Variants in CERT1 observed in about 807,000 individuals in gnomAD.
CERT1 encodes the protein ceramide transporter 1.
In CERT1, 31 loss-of-function variants were observed where a neutral mutation model predicts 87.9. The ratio of observed to expected loss-of-function variants is 0.35; its 90% CI spans 0.27 to 0.48. CERT1 has a LOEUF of 0.48. CERT1 is among the 20% of genes least tolerant of loss of function. The pLI, the probability that CERT1 is intolerant of heterozygous loss-of-function variation, is 0.99. For synonymous variants in CERT1, 289 were observed against 250.9 expected, an observed-to-expected ratio of 1.15 and a Z score of -1.44; for missense variants, 487 against 758.0, an observed-to-expected ratio of 0.64 and a Z score of 4.20.
intron 3 of CERT1, among the ~76,000 whole-genome samples, chr5:75,428,363 G>GACTC (rs1484880223): frequency 1.3e-5 from 2 of 152,030 alleles, no homozygotes; most frequent in Non-Finnish European, 2.9e-5. Flanking sequence ...GAAAAGAGGA[G>GACTC]ACTCTGAACA....
chr5:75,457,816 G>A (rs13179922), intron 3 of CERT1, among the ~76,000 whole-genome samples: 2 of 151,094 alleles, frequency 1.3e-5, no homozygotes, highest in Non-Finnish European at 2.9e-5. Context: ...AACAGTGCCT[G>A]AGATTTCACA....
intron 2 of CERT1, among the ~76,000 whole-genome samples, chr5:75,482,697 T>A (rs1766309403): frequency 6.6e-6 from 1 of 152,156 alleles, no homozygotes; most frequent in South Asian, 2.1e-4. Context: ...AAACTCCATT[T>A]AGGGGAAAGG....
chr5:75,458,311 T>C (rs1291516619), intron 3 of CERT1, among the ~76,000 whole-genome samples: 1 of 152,136 alleles, frequency 6.6e-6, no homozygotes, highest in African/African-American at 2.4e-5. Context: ...TTAGATAGCC[T>C]CACATTTACA....
At chr5:75,446,738 G>A (rs970335545) in intron 3 of CERT1, among the ~76,000 whole-genome samples, 8 of 152,016 alleles carry the variant, frequency 5.3e-5, no homozygotes, top group Non-Finnish European at 1.0e-4. Context: ...GGTCTTCTTC[G>A]GATTTTTTCT....
At chr5:75,493,644 T>C (rs1053329373) in intron 2 of CERT1, among the ~76,000 whole-genome samples, 27 of 152,194 alleles carry the variant, frequency 1.8e-4, no homozygotes, top group African/African-American at 6.0e-4. Context: ...TTAACATGAG[T>C]CTTTTTAAAA....
At chr5:75,461,375 G>C (rs879289468) in intron 2 of CERT1, among the ~76,000 whole-genome samples, 5 of 152,204 alleles carry the variant, frequency 3.3e-5, no homozygotes, top group Admixed American at 2.6e-4. Flanking sequence ...TGAGGTGGAA[G>C]AGTTTCATCC....
chr5:75,460,653 T>C (rs1163521110), intron 2 of CERT1, among the ~76,000 whole-genome samples: 1 of 152,234 alleles, frequency 6.6e-6, no homozygotes, highest in Non-Finnish European at 1.5e-5. Context: ...GAATCCGCTC[T>C]GGGCAACACG....
At chr5:75,413,553 A>G (rs1298657400) in intron 7 of CERT1, among the ~76,000 whole-genome samples, 1 of 152,126 alleles carries the variant, frequency 6.6e-6, no homozygotes, top group Non-Finnish European at 1.5e-5. Context: ...AGGCTGTAGT[A>G]TACTAATGGC....
At chr5:75,372,349 C>T (rs575318157) in intron 17 of CERT1, 1 of 151,838 alleles carries the variant, frequency 6.6e-6, no homozygotes, top group South Asian at 2.1e-4. Context: ...AACCCCATAC[C>T]CCACAGCTGA....
intron 2 of CERT1, among the ~76,000 whole-genome samples, chr5:75,462,977 C>T (rs533173691): frequency 2.7e-5 from 3 of 111,636 alleles, no homozygotes; most frequent in African/African-American, 1.1e-4. Context: ...GGCGACAGAG[C>T]AAGACTCCGT....
chr5:75,491,986 A>G (rs1046892876), intron 2 of CERT1, among the ~76,000 whole-genome samples: 1 of 152,166 alleles, frequency 6.6e-6, no homozygotes, highest in Non-Finnish European at 1.5e-5. Flanking sequence ...TTTTCCTGAT[A>G]ATACATAAAA....
chr5:75,427,060 GT>G (rs569707179), intron 3 of CERT1, among the ~76,000 whole-genome samples: 1 of 151,940 alleles, frequency 6.6e-6, no homozygotes, highest in Non-Finnish European at 1.5e-5. Context: ...TTAAATTTTT[GT>G]AACCACCTCG....
chr5:75,445,390 G>C (rs1264275251), intron 3 of CERT1, among the ~76,000 whole-genome samples: 3 of 152,166 alleles, frequency 2.0e-5, no homozygotes, highest in Non-Finnish European at 4.4e-5. Context: ...TGCAGTGCAG[G>C]TCTAGTGGCA....
chr5:75,456,327 A>G (rs150210148), intron 3 of CERT1, among the ~76,000 whole-genome samples: 41 of 152,230 alleles, frequency 2.7e-4, no homozygotes, highest in African/African-American at 9.6e-4. Flanking sequence ...AATATTAACA[A>G]CAATTAACAA....
rs570900274 is a variant in CERT1 at position 75,459,665 on chromosome 5, T to A, written c.232-484A>T. Among the ~76,000 whole-genome samples the A allele has an allele frequency of 2.6e-5, 4 of 152,086 alleles. 1 individual carries two copies. Among genetic ancestry groups the A allele is most frequent in the African/African-American group, 4.8e-5 (2 of 41,492 alleles). On this transcript the variant is annotated intron_variant, in intron 2 of 16. Transcript: ENST00000643780. ...TGCCCTGCTAATTTTTAAAATTTTT[T>A]AAAAATGTAGGCTTGCTGGCTGGGC...
At chr5:75,386,326 A>G (rs1444235132) in intron 12 of CERT1, among the ~76,000 whole-genome samples, 2 of 151,986 alleles carry the variant, frequency 1.3e-5, no homozygotes, top group Non-Finnish European at 2.9e-5. Context: ...CCATTCTCAA[A>G]AGACTGTTTA....
At chr5:75,419,476 G>A (rs1170395443) in intron 5 of CERT1, 52 bp from the exon 6 acceptor site, 4 of 1,208,636 alleles carry the variant, frequency 3.3e-6, no homozygotes, top group East Asian at 2.5e-5. Context: ...AGAAATTAAT[G>A]TCTATTCTTA....
intron 2 of CERT1, among the ~76,000 whole-genome samples, chr5:75,486,191 G>A (rs1216402795): frequency 6.6e-6 from 1 of 152,106 alleles, no homozygotes; most frequent in African/African-American, 2.4e-5. Flanking sequence ...ATGCAAGGAT[G>A]GTTCAACATA....
At chr5:75,480,462 A>AG (rs1766182686) in intron 2 of CERT1, among the ~76,000 whole-genome samples, 1 of 152,196 alleles carries the variant, frequency 6.6e-6, no homozygotes, top group Non-Finnish European at 1.5e-5. Flanking sequence ...ACTAAACACA[A>AG]GGGGGAAAAA....
Sources: gnomAD v4.1 joint callset for allele counts (sites outside exome capture counted in the v4.1 genomes callset) on GRCh38, gnomAD v4.1.1 for gene constraint, MANE v1.5 for transcripts, NCBI Gene and HGNC (gene_info 2026-07-23, HGNC 2026-07-21) for gene names.